LRP1B: variants seen among roughly 807,000 people sequenced by gnomAD.
LRP1B encodes low-density lipoprotein receptor-related protein 1B.
In LRP1B, 217 loss-of-function variants were observed where a neutral mutation model predicts 556.6. The ratio of observed to expected loss-of-function variants is 0.39; its 90% CI spans 0.35 to 0.44. The LOEUF (loss-of-function observed/expected upper bound fraction) is 0.44. Among genes scored for constraint, LRP1B ranks in the 20% least tolerant of loss-of-function variants. LRP1B has a pLI of 1.00. For missense variants in LRP1B, 5,053 were observed against 5,620.8 expected, an observed-to-expected ratio of 0.90 and a Z score of 3.23; for synonymous variants, 2,047 against 1,865.8, an observed-to-expected ratio of 1.10 and a Z score of -2.50.
At chr2:141,177,965 A>G (rs1680810643) in intron 7 of LRP1B, among the ~76,000 whole-genome samples, 2 of 152,144 alleles carry the variant, frequency 1.3e-5, no homozygotes, top group South Asian at 4.1e-4. Context: ...CAAGGGAGTG[A>G]AGTGCAAAGA....
At chr2:142,127,127 G>A (rs1707681768) in intron 1 of LRP1B, among the ~76,000 whole-genome samples, 1 of 151,666 alleles carries the variant, frequency 6.6e-6, no homozygotes, top group Non-Finnish European at 1.5e-5. Context: ...TTCCATATTT[G>A]TAATTCTAGC....
chr2:141,116,524 T>C (rs1438520744), intron 7 of LRP1B, among the ~76,000 whole-genome samples: 1 of 152,162 alleles, frequency 6.6e-6, no homozygotes, highest in Non-Finnish European at 1.5e-5. Flanking sequence ...GTGCTACATG[T>C]TTTAAGTTTC....
At chr2:140,986,137 T>A (rs893899689) in intron 17 of LRP1B, among the ~76,000 whole-genome samples, 18 of 151,860 alleles carry the variant, frequency 1.2e-4, no homozygotes, top group Non-Finnish European at 1.9e-4. Flanking sequence ...GATGAGAGTA[T>A]CTCATGTAAT....
chr2:141,009,057 C>A (rs977355471), intron 14 of LRP1B, among the ~76,000 whole-genome samples: 1 of 151,884 alleles, frequency 6.6e-6, no homozygotes, highest in Non-Finnish European at 1.5e-5. Context: ...TCTGAATTTT[C>A]TTCAAAATGG....
At chr2:141,492,641 A>C (rs1224784598) in intron 2 of LRP1B, among the ~76,000 whole-genome samples, 2 of 152,166 alleles carry the variant, frequency 1.3e-5, no homozygotes, top group Non-Finnish European at 2.9e-5. Flanking sequence ...TATTATAGTG[A>C]GAGGATCAGT....
intron 2 of LRP1B, among the ~76,000 whole-genome samples, chr2:141,686,381 T>C (rs1042749847): frequency 2.0e-5 from 3 of 152,044 alleles, no homozygotes; most frequent in African/African-American, 7.2e-5. Context: ...ATTAGACATG[T>C]TGAAGACTAC....
intron 32 of LRP1B, among the ~76,000 whole-genome samples, chr2:140,805,622 G>A (rs143903929): frequency 8.5e-5 from 13 of 152,074 alleles, no homozygotes; most frequent in Admixed American, 2.0e-4. Flanking sequence ...TAATTTTTAT[G>A]TTCTTTTGTA....
chr2:141,396,637 G>A (rs755977033), intron 3 of LRP1B, among the ~76,000 whole-genome samples: 4 of 152,014 alleles, frequency 2.6e-5, no homozygotes, highest in Non-Finnish European at 5.9e-5. Flanking sequence ...AATTGTAGAT[G>A]TATCTTTGCT....
intron 3 of LRP1B, among the ~76,000 whole-genome samples, chr2:141,420,460 C>T (rs1433387738): frequency 1.3e-5 from 2 of 152,094 alleles, no homozygotes; most frequent in African/African-American, 4.8e-5. Context: ...CCTGTGAATG[C>T]AATTCTTCAG....
At chr2:141,939,139 T>G (rs1489637818) in intron 1 of LRP1B, among the ~76,000 whole-genome samples, 1 of 149,236 alleles carries the variant, frequency 6.7e-6, no homozygotes, top group Non-Finnish European at 1.5e-5. Flanking sequence ...TTCAGTTGCT[T>G]ATACTACAAA....
At chr2:140,671,251 T>G (rs2105358707) in intron 41 of LRP1B, among the ~76,000 whole-genome samples, 1 of 152,348 alleles carries the variant, frequency 6.6e-6, no homozygotes, top group East Asian at 1.9e-4. Flanking sequence ...CCGGGCGCGG[T>G]GGCTCACGCC....
chr2:141,605,445 T>C (rs1383252081), intron 2 of LRP1B, among the ~76,000 whole-genome samples: 1 of 152,148 alleles, frequency 6.6e-6, no homozygotes, highest in Admixed American at 6.5e-5. Flanking sequence ...CAGAATTATG[T>C]AAGTCCTGTT....
intron 1 of LRP1B, among the ~76,000 whole-genome samples, chr2:142,016,521 C>A (rs13399101): frequency 0.057 from 8,741 of 152,114 alleles, 269 homozygotes; most frequent in African/African-American, 0.081. Flanking sequence ...AGTTCATGAC[C>A]TTTGCAGGGA....
chr2:141,018,860 C>T (rs553396607), intron 12 of LRP1B, among the ~76,000 whole-genome samples: 2 of 151,954 alleles, frequency 1.3e-5, no homozygotes, highest in Non-Finnish European at 2.9e-5. Flanking sequence ...GCCTAGGAAC[C>T]CTGGTTGTAT....
intron 1 of LRP1B, among the ~76,000 whole-genome samples, chr2:141,995,466 A>T (rs933337435): frequency 6.6e-6 from 1 of 152,074 alleles, no homozygotes; most frequent in African/African-American, 2.4e-5. Context: ...CATTGGGCCC[A>T]CCTGGATAAT....
At chr2:141,193,635 G>A (rs538995517) in intron 6 of LRP1B, among the ~76,000 whole-genome samples, 13 of 151,562 alleles carry the variant, frequency 8.6e-5, no homozygotes, top group African/African-American at 2.7e-4. Context: ...CAACTTTTGG[G>A]GACTTGGCAA....
intron 21 of LRP1B, among the ~76,000 whole-genome samples, chr2:140,920,558 A>G (rs555991834): frequency 3.9e-5 from 6 of 152,172 alleles, no homozygotes; most frequent in South Asian, 2.1e-4. Flanking sequence ...AAAAAATATC[A>G]AAAGGTTTGT....
intron 1 of LRP1B, among the ~76,000 whole-genome samples, chr2:142,122,644 T>C (rs1011699643): frequency 2.6e-5 from 4 of 152,068 alleles, no homozygotes; most frequent in Admixed American, 2.6e-4. Context: ...ATGTAGTTAT[T>C]ATGCTTAATG....
chr2:142,044,582 T>C (rs1574627218), intron 1 of LRP1B, among the ~76,000 whole-genome samples: 1 of 151,930 alleles, frequency 6.6e-6, no homozygotes, highest in South Asian at 2.1e-4. Flanking sequence ...CTATTTTATG[T>C]AACATAAACT....
Sources: allele counts gnomAD v4.1 joint callset (sites outside exome capture counted in the v4.1 genomes callset), GRCh38; gene constraint gnomAD v4.1.1; transcripts MANE v1.5; gene names NCBI Gene and HGNC (gene_info 2026-07-23, HGNC 2026-07-21).